Variants in PCDHA5 observed in about 807,000 individuals in gnomAD.
PCDHA5 encodes the protein protocadherin alpha-5.
A neutral mutation model predicts 61.6 loss-of-function variants in PCDHA5; 43 were observed. The ratio of observed to expected loss-of-function variants is 0.70; its 90% CI spans 0.55 to 0.90. PCDHA5 has a LOEUF of 0.90. Among genes scored for constraint, PCDHA5 ranks in the 40% least tolerant of loss-of-function variants. The pLI, the probability that PCDHA5 is intolerant of heterozygous loss-of-function variation, is 0.00. For synonymous variants in PCDHA5, 627 were observed against 543.9 expected (o/e 1.15, Z -2.13); for missense variants, 1,298 against 1,222.7 (o/e 1.06, Z -0.92).
intron 1 of PCDHA5, among the ~76,000 whole-genome samples, chr5:140,956,551 C>G (rs995941205): frequency 1.3e-5 from 2 of 152,148 alleles, no homozygotes; most frequent in Non-Finnish European, 2.9e-5. Flanking sequence ...ATTTGGTTTG[C>G]CAGTATCTTA....
intron 1 of PCDHA5, chr5:140,882,849 T>A: frequency 1.2e-6 from 2 of 1,614,242 alleles, no homozygotes; most frequent in Non-Finnish European, 1.7e-6. Flanking sequence ...TCATTATCAC[T>A]TGTACTGAGG....
chr5:140,961,571 A>AT (rs2095622432), intron 1 of PCDHA5, among the ~76,000 whole-genome samples: 1 of 152,076 alleles, frequency 6.6e-6, no homozygotes. Flanking sequence ...TTTTGTTTTG[A>AT]TAAGCATTTA....
intron 1 of PCDHA5, chr5:140,834,397 A>G: frequency 1.3e-6 from 2 of 1,599,794 alleles, no homozygotes; most frequent in Non-Finnish European, 1.7e-6. Context: ...GTGTGCCCGA[A>G]TGGATACGAC....
chr5:140,952,338 C>CA (rs55931446), intron 1 of PCDHA5, among the ~76,000 whole-genome samples: 315 of 135,024 alleles, frequency 2.3e-3, no homozygotes, highest in East Asian at 0.011. Context: ...AACTCCATCT[C>CA]AAAAAAAAAA....
rs189094380 is a variant in PCDHA5 at position 140,918,016 on chromosome 5, T to C, written c.2353-60933T>C. Among the ~76,000 whole-genome samples the C allele has an allele frequency of 1.3e-4, 20 of 152,344 alleles. No individual in the cohort carries two copies. The East Asian group carries it at 3.9e-3, about 29-fold the overall frequency. ...TTATCTTAACAATGTTGTTTCTTCC[T>C]ACCCATGAGCGTGGAAGGTCTTTCC... On this transcript the variant is annotated intron_variant, in intron 1 of 3. Transcript: ENST00000529859.
chr5:140,983,897 G>A (rs155365), intron 3 of PCDHA5, among the ~76,000 whole-genome samples: 149,305 of 152,360 alleles, frequency 0.98, 73,183 homozygotes, highest in Middle Eastern at 1. Flanking sequence ...AAGGGCATTC[G>A]TTGATTCTAA....
chr5:140,847,627 T>G (rs886255064), intron 1 of PCDHA5: 2 of 149,354 alleles, frequency 1.3e-5, no homozygotes, highest in Non-Finnish European at 3.0e-5. Flanking sequence ...CAAACTATAT[T>G]GGAGACTACA....
chr5:140,863,406 G>A (rs1228817689), intron 1 of PCDHA5: 1 of 800,564 alleles, frequency 1.2e-6, no homozygotes, highest in East Asian at 4.2e-5. Context: ...GCAAGCCCAC[G>A]CTGGTGTACC....
chr5:140,922,950 T>G (rs928008081), intron 1 of PCDHA5, among the ~76,000 whole-genome samples: 6 of 152,208 alleles, frequency 3.9e-5, no homozygotes, highest in Non-Finnish European at 5.9e-5. Flanking sequence ...GGAAATCCAG[T>G]TTGTCTTCAG....
chr5:140,982,795 A>ATG (rs60616196), intron 3 of PCDHA5, among the ~76,000 whole-genome samples: 5,064 of 151,610 alleles, frequency 0.033, 263 homozygotes, highest in African/African-American at 0.11. Context: ...GCATGTGTGC[A>ATG]TGTGTGTGTG....
chr5:140,905,809 A>C (rs1349964349), intron 1 of PCDHA5, among the ~76,000 whole-genome samples: 1 of 152,184 alleles, frequency 6.6e-6, no homozygotes, highest in East Asian at 1.9e-4. Context: ...GGACAGAATT[A>C]ATAGGCTAGA....
Position 140,822,929 on chromosome 5 carries a change from C to A in PCDHA5, c.1154C>A (p.Thr385Asn), listed in dbSNP as rs1418522514. The change falls in exon 1 of 4, where the codon ACC becomes AAC. Residue 385 changes from threonine to asparagine, a missense_variant. Coordinates refer to ENST00000529859, the MANE Select transcript of PCDHA5 (RefSeq NM_018908.3). ...DRDSGANGQV[T>N]CSLMPHVPFK... ...GACTCAGGTGCCAACGGGCAGGTGA[C>A]CTGCTCCCTAATGCCCCACGTTCCC... The A allele has an allele frequency of 6.2e-7, 1 of 1,614,266 alleles. No individual in the cohort carries two copies. The highest frequency in any genetic ancestry group is 8.5e-7 in the Non-Finnish European group (1 of 1,180,046).
intron 1 of PCDHA5, chr5:140,869,566 G>C (rs782325882): frequency 6.2e-7 from 1 of 1,614,178 alleles, no homozygotes; most frequent in Middle Eastern, 1.6e-4. Context: ...TTTTCCACTA[G>C]AGGGAGCTTC....
chr5:140,993,380 C>G (rs1304300325), intron 3 of PCDHA5, among the ~76,000 whole-genome samples: 1 of 151,860 alleles, frequency 6.6e-6, no homozygotes, highest in Non-Finnish European at 1.5e-5. Context: ...CCAGCCGGGT[C>G]CCTGAAACTC....
At chr5:140,838,077 AG>A (rs1404623081) in intron 1 of PCDHA5, among the ~76,000 whole-genome samples, 4 of 80,664 alleles carry the variant, frequency 5.0e-5, no homozygotes, top group African/African-American at 1.8e-4. Context: ...ATATATATAT[AG>A]TGTGTGTGTG....
intron 1 of PCDHA5, chr5:140,871,365 G>A: frequency 6.2e-7 from 1 of 1,614,218 alleles, no homozygotes; most frequent in Non-Finnish European, 8.5e-7. Context: ...AGCAGAGGCG[G>A]CAGAGGGTGT....
intron 1 of PCDHA5, chr5:140,869,167 G>T (rs782094054): frequency 1.2e-6 from 2 of 1,613,864 alleles, no homozygotes; most frequent in East Asian, 4.5e-5. Flanking sequence ...TCTCCTCCTC[G>T]AATTCTGGGA....
At chr5:141,006,130 TAGAAAGCTTAAGC>T (rs2098257447) in intron 3 of PCDHA5, among the ~76,000 whole-genome samples, 1 of 150,362 alleles carries the variant, frequency 6.7e-6, no homozygotes. Context: ...CTCAAGGCAG[TAGAAAGCTTAAGC>T]AGAGGAGTGA....
At chr5:140,869,751 CG>C (rs782746767) in intron 1 of PCDHA5, 1 of 1,613,134 alleles carries the variant, frequency 6.2e-7, no homozygotes, top group South Asian at 1.1e-5. Flanking sequence ...CAGCTACAGA[CG>C]GGGGAAAACC....
Sources: gnomAD v4.1 joint callset for allele counts (sites outside exome capture counted in the v4.1 genomes callset) on GRCh38, gnomAD v4.1.1 for gene constraint, MANE v1.5 for transcripts, NCBI Gene and HGNC (gene_info 2026-07-23, HGNC 2026-07-21) for gene names.